NYAP2: variants seen among roughly 807,000 people sequenced by gnomAD.
The protein encoded by NYAP2 is neuronal tyrosine-phosphorylated phosphoinositide-3-kinase adaptor 2.
In NYAP2, 23 loss-of-function variants were observed where a neutral mutation model predicts 50.4. The ratio of observed to expected loss-of-function variants is 0.46; its 90% CI spans 0.33 to 0.65. The LOEUF (loss-of-function observed/expected upper bound fraction) is 0.65. Ranked by LOEUF, NYAP2 falls within the 30% of genes least tolerant of loss-of-function variation. The pLI, the probability that NYAP2 is intolerant of heterozygous loss-of-function variation, is 0.02. For missense variants in NYAP2, 885 were observed against 861.0 expected (o/e 1.03, Z -0.35); for synonymous variants, 394 against 365.2 (o/e 1.08, Z -0.90).
chr2:225,605,461 G>GT (rs1050551368), intron 5 of NYAP2, among the ~76,000 whole-genome samples: 49 of 152,222 alleles, frequency 3.2e-4, no homozygotes, highest in South Asian at 1.5e-3. Context: ...GTCAGTTGAT[G>GT]TAAGAGTTGA....
intron 6 of NYAP2, among the ~76,000 whole-genome samples, chr2:225,647,159 A>G (rs79399070): frequency 2.0e-5 from 3 of 152,092 alleles, no homozygotes; most frequent in Admixed American, 6.5e-5. Flanking sequence ...GAAAAAAAAA[A>G]TACTGAATTT....
intron 3 of NYAP2, among the ~76,000 whole-genome samples, chr2:225,451,938 T>C (rs1460088144): frequency 6.6e-6 from 1 of 152,030 alleles, no homozygotes; most frequent in Non-Finnish European, 1.5e-5. Context: ...CTCTCTCTCA[T>C]TACATATATA....
chr2:225,447,827 TAGCTCCCTGACCAAGAGA>T (rs1689585937), intron 3 of NYAP2, among the ~76,000 whole-genome samples: 1 of 152,204 alleles, frequency 6.6e-6, no homozygotes, highest in African/African-American at 2.4e-5. Flanking sequence ...TTTGAACTTA[TAGCTCCCTGACCAAGAGA>T]TTATAAAAGA....
chr2:225,420,975 T>C (rs1237955965), intron 3 of NYAP2, among the ~76,000 whole-genome samples: 2 of 152,058 alleles, frequency 1.3e-5, no homozygotes, highest in African/African-American at 2.4e-5. Context: ...CAGGCTGGAG[T>C]GCAGTGGCAC....
intron 3 of NYAP2, among the ~76,000 whole-genome samples, chr2:225,493,961 G>A (rs143169532): frequency 6.6e-6 from 1 of 152,080 alleles, no homozygotes; most frequent in African/African-American, 2.4e-5. Context: ...TCAAAGTAAG[G>A]TTCTTACAAT....
intron 3 of NYAP2, among the ~76,000 whole-genome samples, chr2:225,418,923 C>G (rs1356404): frequency 0.79 from 120,479 of 152,098 alleles, 47,916 homozygotes; most frequent in Non-Finnish European, 0.82. Flanking sequence ...ATTCTCCTAA[C>G]AAATTTTTAA....
the NYAP2 span, among the ~76,000 whole-genome samples, chr2:225,667,128 TAA>T: frequency 3.6e-3 from 549 of 152,262 alleles, 6 homozygotes; most frequent in Non-Finnish European, 6.5e-3. Flanking sequence ...TCAGAATTTA[TAA>T]GTTGCCTTCC....
chr2:225,701,469 A>C, the NYAP2 span: 1 of 151,720 alleles, frequency 6.6e-6, no homozygotes, highest in African/African-American at 2.4e-5. Context: ...TATGTGAAAC[A>C]CTCCTTAGCA....
intron 3 of NYAP2, among the ~76,000 whole-genome samples, chr2:225,426,151 T>TTTA (rs1491096455): frequency 3.2e-5 from 4 of 126,970 alleles, no homozygotes; most frequent in African/African-American, 1.2e-4. Flanking sequence ...TTTTTTTTTT[T>TTTA]AAAAATTCTA....
chr2:225,624,240 C>T (rs964257299), intron 5 of NYAP2, among the ~76,000 whole-genome samples: 2 of 152,090 alleles, frequency 1.3e-5, no homozygotes, highest in Non-Finnish European at 2.9e-5. Context: ...ATAAACTCTG[C>T]TAAATTAAGT....
intron 5 of NYAP2, among the ~76,000 whole-genome samples, chr2:225,622,690 A>G (rs1182829405): frequency 1.3e-5 from 2 of 150,078 alleles, no homozygotes; most frequent in African/African-American, 4.9e-5. Context: ...AGCGATTCTT[A>G]TGCCTCAGCC....
intron 3 of NYAP2, among the ~76,000 whole-genome samples, chr2:225,497,464 T>G (rs1690527251): frequency 6.6e-6 from 1 of 152,196 alleles, no homozygotes; most frequent in South Asian, 2.1e-4. Flanking sequence ...ACTTTTTAAA[T>G]GGACTTCAAA....
At chr2:225,419,247 A>C (rs1184037008) in intron 3 of NYAP2, among the ~76,000 whole-genome samples, 3 of 152,200 alleles carry the variant, frequency 2.0e-5, no homozygotes, top group African/African-American at 7.2e-5. Context: ...AATGCTTGAC[A>C]TTTTCAAAAA....
intron 3 of NYAP2, among the ~76,000 whole-genome samples, chr2:225,410,900 A>G (rs113092807): frequency 5.1e-4 from 78 of 152,282 alleles, no homozygotes; most frequent in African/African-American, 1.8e-3. Context: ...CTGTCATTAC[A>G]TAATAAGTGA....
chr2:225,486,243 A>G (rs1217258438), intron 3 of NYAP2, among the ~76,000 whole-genome samples: 1 of 152,170 alleles, frequency 6.6e-6, no homozygotes, highest in Non-Finnish European at 1.5e-5. Context: ...CTCTGCTTGG[A>G]AAATAAATTA....
At chr2:225,444,776 G>A (rs1230095417) in intron 3 of NYAP2, among the ~76,000 whole-genome samples, 2 of 152,102 alleles carry the variant, frequency 1.3e-5, no homozygotes, top group Admixed American at 6.6e-5. Flanking sequence ...AATATCATGG[G>A]AACTTAGAAA....
chr2:225,455,018 C>T (rs1440470302), intron 3 of NYAP2, among the ~76,000 whole-genome samples: 1 of 151,978 alleles, frequency 6.6e-6, no homozygotes, highest in East Asian at 1.9e-4. Flanking sequence ...CCTGAGCAAA[C>T]TTCACTGGCA....
chr2:225,415,197 TA>T (rs951748850), intron 3 of NYAP2, among the ~76,000 whole-genome samples: 10 of 152,170 alleles, frequency 6.6e-5, no homozygotes, highest in African/African-American at 2.4e-4. Flanking sequence ...ACAGCTCCTT[TA>T]AAAAAATACA....
intron 3 of NYAP2, among the ~76,000 whole-genome samples, chr2:225,479,316 G>T (rs1402152939): frequency 6.6e-6 from 1 of 152,086 alleles, no homozygotes; most frequent in Non-Finnish European, 1.5e-5. Flanking sequence ...TCAGGTTAGT[G>T]ACTCTTAATT....
Sources: gnomAD v4.1 joint callset for allele counts (sites outside exome capture counted in the v4.1 genomes callset) on GRCh38, gnomAD v4.1.1 for gene constraint, MANE v1.5 for transcripts, NCBI Gene and HGNC (gene_info 2026-07-23, HGNC 2026-07-21) for gene names.